CRYL1: variants seen among roughly 807,000 people sequenced by gnomAD.
CRYL1 encodes the protein lambda-crystallin homolog.
A neutral mutation model predicts 36.6 loss-of-function variants in CRYL1; 29 were observed. The observed-to-expected ratio is 0.79, with a 90% CI of 0.59 to 1.08. The LOEUF (loss-of-function observed/expected upper bound fraction) is 1.08, where lower values mean the gene tolerates loss of function less well. CRYL1 is among the 50% of genes least tolerant of loss of function. The probability of loss-of-function intolerance (pLI) is 0.00; values close to 1 mark genes in which losing one functional copy is unlikely to be tolerated. For synonymous variants in CRYL1, 152 were observed against 151.5 expected, an observed-to-expected ratio of 1.00 and a Z score of -0.02; for missense variants, 411 against 407.9, an observed-to-expected ratio of 1.01 and a Z score of -0.06.
chr13:20,419,897 A>T (rs532525738), intron 5 of CRYL1, among the ~76,000 whole-genome samples: 11 of 152,334 alleles, frequency 7.2e-5, no homozygotes, highest in African/African-American at 2.6e-4. Flanking sequence ...GGCAAGGGTG[A>T]AAAAGATCTG....
chr13:20,430,783 T>C (rs1203170818), intron 5 of CRYL1: 1 of 985,434 alleles, frequency 1.0e-6, no homozygotes, highest in East Asian at 1.1e-4. Flanking sequence ...CAAGGTTTAA[T>C]TCAACAAGTG....
intron 2 of CRYL1, among the ~76,000 whole-genome samples, chr13:20,501,903 C>A (rs1426161286): frequency 2.0e-5 from 3 of 152,198 alleles, no homozygotes; most frequent in Non-Finnish European, 4.4e-5. Context: ...GCACAAAAAT[C>A]TTTAATTAAG....
intron 5 of CRYL1, among the ~76,000 whole-genome samples, chr13:20,421,622 T>A (rs1424535691): frequency 2.0e-5 from 3 of 152,218 alleles, no homozygotes; most frequent in East Asian, 3.9e-4. Context: ...TTGCCTTTTC[T>A]CTTGGGGGCT....
intron 6 of CRYL1, among the ~76,000 whole-genome samples, chr13:20,411,944 A>G (rs2137365318): frequency 6.6e-6 from 1 of 152,302 alleles, no homozygotes; most frequent in South Asian, 2.1e-4. Context: ...TATTCATTGG[A>G]CAGCATATTT....
chr13:20,520,750 C>A (rs1309373653), intron 1 of CRYL1, among the ~76,000 whole-genome samples: 1 of 152,172 alleles, frequency 6.6e-6, no homozygotes, highest in African/African-American at 2.4e-5. Flanking sequence ...GGCTTAGGAG[C>A]ACCCTATAAC....
intron 2 of CRYL1, among the ~76,000 whole-genome samples, chr13:20,510,455 C>T (rs373973036): frequency 6.6e-6 from 1 of 151,806 alleles, no homozygotes; most frequent in Non-Finnish European, 1.5e-5. Context: ...ACTGTGGAGA[C>T]CGTAAAAGGA....
In CRYL1 at chr13:20,403,753, C is replaced by G. The variant is rs1217146962; in HGVS notation, c.*376G>C. 6.2e-6 allele frequency: 1 copy of G among 161,470 alleles called. No homozygotes were observed. The highest frequency in any genetic ancestry group is 1.3e-5 in the Non-Finnish European group (1 of 74,556). The allele number at this position is 161,470 out of a possible 1,614,324, so 10.0% of individuals were successfully genotyped here. A position where few individuals can be genotyped will look rare whatever the true frequency, so the allele number is the denominator to read the frequency against. Reference sequence around the variant, plus strand: ...CTCATAAATGCAGGGCCCCAGAGTACTCAGAAAGGGATTAGAAAATAATTA... The same window carrying G: ...CTCATAAATGCAGGGCCCCAGAGTAGTCAGAAAGGGATTAGAAAATAATTA... On this transcript the variant is annotated 3_prime_UTR_variant, in exon 8 of 8. Coordinates refer to ENST00000298248, the MANE Select transcript of CRYL1 (RefSeq NM_015974.3).
intron 1 of CRYL1, among the ~76,000 whole-genome samples, chr13:20,517,570 G>A (rs2034023134): frequency 1.3e-5 from 2 of 151,694 alleles, no homozygotes; most frequent in African/African-American, 2.4e-5. Context: ...ACTCCAGCCT[G>A]GGCAACAAGA....
chr13:20,485,189 T>C lies in CRYL1; in HGVS notation c.276+4181A>G, dbSNP rs144233533. ...TACACCACCACGCCTGGCTAATGTT[T>C]TGTATTTTTAGTAGAGATGGGGTTT... On this transcript the variant is annotated intron_variant, in intron 3 of 7. Transcript: ENST00000298248. Among the ~76,000 whole-genome samples the C allele has an allele frequency of 5.1e-3, 783 of 152,230 alleles. 5 individuals carry two copies. Among genetic ancestry groups the C allele is most frequent in the African/African-American group, 0.017 (720 of 41,538 alleles).
intron 5 of CRYL1, chr13:20,430,651 C>A: frequency 1.0e-6 from 1 of 985,386 alleles, no homozygotes; most frequent in Non-Finnish European, 1.2e-6. Context: ...GATCCCCTTA[C>A]ACCAGAATCC....
chr13:20,440,710 A>G (rs1453724871), intron 3 of CRYL1, among the ~76,000 whole-genome samples: 1 of 152,198 alleles, frequency 6.6e-6, no homozygotes, highest in Non-Finnish European at 1.5e-5. Flanking sequence ...AACACGTTAC[A>G]TCCATAATTC....
chr13:20,471,801 T>TTCTTTCTCTCTTTCTTTCCC (rs1249152311), intron 3 of CRYL1, among the ~76,000 whole-genome samples: 2 of 151,922 alleles, frequency 1.3e-5, no homozygotes, highest in Non-Finnish European at 2.9e-5. Context: ...TTTTCTTTCT[T>TTCTTTCTCTCTTTCTTTCCC]TCTTTCTCTC....
intron 2 of CRYL1, among the ~76,000 whole-genome samples, chr13:20,508,915 G>T (rs1424721787): frequency 6.9e-6 from 1 of 144,552 alleles, no homozygotes; most frequent in African/African-American, 2.6e-5. Flanking sequence ...TTTGGGCCAG[G>T]CTCAGTGGCT....
chr13:20,446,537 GA>G (rs1169504591), intron 3 of CRYL1, among the ~76,000 whole-genome samples: 3 of 152,324 alleles, frequency 2.0e-5, no homozygotes, highest in African/African-American at 7.2e-5. Flanking sequence ...ATTCTTTGTT[GA>G]GGGATTGAGC....
intron 5 of CRYL1, among the ~76,000 whole-genome samples, chr13:20,419,886 C>T (rs962667423): frequency 5.9e-5 from 9 of 152,216 alleles, no homozygotes; most frequent in African/African-American, 1.7e-4. Flanking sequence ...ACTGGCTCCA[C>T]GGCAAGGGTG....
chr13:20,439,518 A>AAAAAAAAAAAAAAAAAAAAAAAAAAAC, intron 4 of CRYL1, 75 bp downstream of exon 4: 3 of 722,142 alleles, frequency 4.2e-6, no homozygotes, highest in Admixed American at 3.8e-5. Context: ...CCCCCGCAAA[A>AAAAAAAAAAAAAAAAAAAAAAAAAAAC]AAAAAAAAAA....
chr13:20,428,759 C>CCTCATATGATTTGTGCAGAG (rs2031988326), intron 5 of CRYL1, among the ~76,000 whole-genome samples: 2 of 152,324 alleles, frequency 1.3e-5, no homozygotes, highest in East Asian at 3.9e-4. Flanking sequence ...AGCTGCCTCA[C>CCTCATATGATTTGTGCAGAG]CTGCAGATGG....
chr13:20,470,910 C>CAAAAAAAAAAAAAAAAAAAAA (rs11353451), intron 3 of CRYL1, among the ~76,000 whole-genome samples: 3 of 40,902 alleles, frequency 7.3e-5, no homozygotes, highest in African/African-American at 2.6e-4. Context: ...AACTCCATCT[C>CAAAAAAAAAAAAAAAAAAAAA]AAAAAAAAAA....
intron 1 of CRYL1, among the ~76,000 whole-genome samples, chr13:20,524,987 G>A (rs1235494951): frequency 1.5e-5 from 2 of 137,122 alleles, no homozygotes; most frequent in Non-Finnish European, 3.0e-5. Flanking sequence ...CCAAAGAAAG[G>A]TACATACAAA....
Sources: allele counts gnomAD v4.1 joint callset (sites outside exome capture counted in the v4.1 genomes callset), GRCh38; gene constraint gnomAD v4.1.1; transcripts MANE v1.5; gene names NCBI Gene and HGNC (gene_info 2026-07-23, HGNC 2026-07-21).